The following GRK1 variants were observed in gnomAD, a reference collection of about 807,000 sequenced individuals.
The protein encoded by GRK1 is rhodopsin kinase GRK1.
A neutral mutation model predicts 41.7 loss-of-function variants in GRK1; 28 were observed. The observed-to-expected ratio is 0.67, with a 90% CI of 0.50 to 0.92. The LOEUF is 0.92. Ranked by LOEUF, GRK1 falls within the 40% of genes least tolerant of loss-of-function variation. The pLI, the probability that GRK1 is intolerant of heterozygous loss-of-function variation, is 0.00. For missense variants in GRK1, 703 were observed against 671.2 expected, an observed-to-expected ratio of 1.05 and a Z score of -0.52; for synonymous variants, 327 against 286.7, an observed-to-expected ratio of 1.14 and a Z score of -1.42.
At chr13:113,726,820 C>T (rs1018405462) in intron 4 of GRK1, among the ~76,000 whole-genome samples, 1 of 152,164 alleles carries the variant, frequency 6.6e-6, no homozygotes, top group Non-Finnish European at 1.5e-5. Flanking sequence ...TTCTGACGTC[C>T]GTGTAATCCT....
chr13:113,733,994 ATGT>A (rs2049980292), intron 6 of GRK1, among the ~76,000 whole-genome samples: 6 of 81,024 alleles, frequency 7.4e-5, no homozygotes, highest in African/African-American at 2.5e-4. Context: ...GTGTGCATAC[ATGT>A]GTGTGCGTGT....
chr13:113,657,579 C>T, the GRK1 span, among the ~76,000 whole-genome samples: 2 of 152,248 alleles, frequency 1.3e-5, no homozygotes, highest in Non-Finnish European at 1.5e-5. Flanking sequence ...TTACTCCCCA[C>T]CTCCGCATCT....
At chr13:113,657,185 G>T in the GRK1 span, among the ~76,000 whole-genome samples, 13 of 152,274 alleles carry the variant, frequency 8.5e-5, no homozygotes, top group Middle Eastern at 3.4e-3. Flanking sequence ...CTGGGGCTTT[G>T]CATTCCCACC....
At chr13:113,725,276 G>A (rs533982298) in intron 4 of GRK1, among the ~76,000 whole-genome samples, 1 of 151,640 alleles carries the variant, frequency 6.6e-6, no homozygotes, top group Non-Finnish European at 1.5e-5. Context: ...GCGTGCACAG[G>A]GCGGGGCCGG....
chr13:113,733,668 T>TGTGC (rs1555361151), intron 6 of GRK1, among the ~76,000 whole-genome samples: 10 of 90,188 alleles, frequency 1.1e-4, no homozygotes, highest in South Asian at 3.2e-4. Context: ...TGTGCGTGTG[T>TGTGC]GCACGTGTGT....
rs1257414115 is a variant in GRK1, at chr13:113,671,520, TGAG to T, written c.853_855del (p.Glu285del). On this transcript the variant is annotated inframe_deletion, in exon 3 of 7. Transcript: ENST00000335678. This position sits in a 1 kb window ranked among gnomAD's most constrained non-coding sequence, Gnocchi z 4.1. ...CCAGGTACCACATCTACAACGTGAA[TGAG>T]GAGAACCCTGGCTTCCCGGAGCCGC... 2 of 779,374 alleles carry T rather than the reference TGAG, an allele frequency of 2.6e-6. No homozygotes were observed. The highest frequency in any genetic ancestry group is 4.8e-6 in the Non-Finnish European group (2 of 417,946). 48.3% of individuals were successfully genotyped at this position (779,374 alleles called of 1,614,324 possible).
intron 2 of GRK1, among the ~76,000 whole-genome samples, chr13:113,670,875 A>G (rs1366246074): frequency 6.7e-6 from 1 of 150,184 alleles, no homozygotes; most frequent in Admixed American, 6.6e-5. Context: ...GAGGGGTGCT[A>G]GGAAGCGCGG....
rs377600888 is a variant in GRK1 at position 113,667,835 on chromosome 13, T to C, written c.449T>C (p.Leu150Pro). ...EIQDGLFQPL[L>P]QATLAHLGQA... ...CAGGACGGGCTCTTCCAGCCCCTGC[T>C]GCAGGCCACCCTGGCACACCTGGGC... Residue 150 changes from leucine (L) to proline (P), a missense_variant, in exon 1 of 7, where the codon CTG (leucine) becomes CCG (proline). By Grantham distance (98) the Leu-to-Pro change is moderately conservative. Coordinates refer to ENST00000335678, the MANE Select transcript of GRK1 (RefSeq NM_002929.3). This position sits in a 1 kb window ranked among gnomAD's most constrained non-coding sequence, Gnocchi z 7.5. The C allele has an allele frequency of 2.5e-6, 4 of 1,592,278 alleles. No homozygotes were observed. Among genetic ancestry groups the C allele is most frequent in the African/African-American group, 1.3e-5 (1 of 74,238 alleles).
chr13:113,733,662 C>CGTGTGTGTGT, intron 6 of GRK1, among the ~76,000 whole-genome samples: 1 of 126,166 alleles, frequency 7.9e-6, no homozygotes, highest in African/African-American at 3.2e-5. Flanking sequence ...CGTGTGTGTG[C>CGTGTGTGTGT]GTGTGTGCAC....
the GRK1 span, among the ~76,000 whole-genome samples, chr13:113,650,807 G>A: frequency 6.6e-6 from 1 of 152,144 alleles, no homozygotes; most frequent in Non-Finnish European, 1.5e-5. The surrounding 1 kb of genome is among the most constrained non-coding windows in gnomAD (Gnocchi z 5.0). Flanking sequence ...GTCTGTACTC[G>A]AGGGTAGCCA....
At chr13:113,662,153 G>A in the GRK1 span, among the ~76,000 whole-genome samples, 4 of 152,188 alleles carry the variant, frequency 2.6e-5, no homozygotes, top group Non-Finnish European at 5.9e-5. Context: ...GGAATGCAAG[G>A]CTGGTTCAGT....
chr13:113,663,667 C>G, upstream of GRK1, among the ~76,000 whole-genome samples: 1 of 152,158 alleles, frequency 6.6e-6, no homozygotes, highest in Non-Finnish European at 1.5e-5. Context: ...GACATTTCAC[C>G]CAAGAGCACG....
intron 4 of GRK1, among the ~76,000 whole-genome samples, chr13:113,727,491 G>A (rs1421928817): frequency 6.6e-6 from 1 of 152,178 alleles, no homozygotes; most frequent in East Asian, 1.9e-4. Flanking sequence ...TGTGGGGTGT[G>A]GGCTGTGGCC....
At chr13:113,649,277 A>G in the GRK1 span, 2 of 1,429,826 alleles carry the variant, frequency 1.4e-6, no homozygotes, top group Admixed American at 2.3e-5. This position sits in a 1 kb window ranked among gnomAD's most constrained non-coding sequence, Gnocchi z 4.7. Context: ...CACTTTGGGG[A>G]TGATTTGGCA....
chr13:113,649,227 T>C, the GRK1 span: 1 of 877,998 alleles, frequency 1.1e-6, no homozygotes, highest in Non-Finnish European at 1.7e-6. This position sits in a 1 kb window ranked among gnomAD's most constrained non-coding sequence, Gnocchi z 4.7. Context: ...TGTGGGCGCT[T>C]CTCTGGAGTT....
intron 2 of GRK1, among the ~76,000 whole-genome samples, chr13:113,670,686 G>C (rs1266559261): frequency 3.8e-5 from 2 of 52,818 alleles, no homozygotes; most frequent in Non-Finnish European, 1.1e-4. Flanking sequence ...GGAGGGGAGG[G>C]GGCGCTGGGA....
the GRK1 span, among the ~76,000 whole-genome samples, chr13:113,655,804 G>A: frequency 3.3e-5 from 5 of 152,214 alleles, no homozygotes; most frequent in Admixed American, 1.3e-4. Context: ...TTAGTGAGCC[G>A]TTCTCCAGTG....
Position 113,667,506 on chromosome 13 carries a change from G to A in GRK1, c.120G>A (p.Lys40=). The change falls in exon 1 of 7, where the codon AAG becomes AAA. Residue 40 remains lysine (K), a synonymous_variant. Transcript: ENST00000335678. This position sits in a 1 kb window ranked among gnomAD's most constrained non-coding sequence, Gnocchi z 7.5. ...SRDKKYLAKL[K]LPPLSKCESL... ...ACAAGAAGTACCTGGCCAAGCTCAA[G>A]CTGCCCCCGCTGTCCAAGTGTGAGT... is the stretch of plus-strand genomic sequence containing the variant. 3 of 1,612,872 alleles carry A rather than the reference G, an allele frequency of 1.9e-6. No individual in the cohort carries two copies. In the South Asian group the frequency reaches 3.3e-5, roughly 18 times the overall value.
chr13:113,723,213 C>T lies in GRK1; in HGVS notation c.1069+56C>T, dbSNP rs2049867525. On this transcript the variant is annotated intron_variant, in intron 4 of 6. Transcript: ENST00000335678. Reference sequence around the variant, plus strand: ...CGTGCATGGGTTACGTCCCTGTGTACATGTGTGTGCCTGTGTGCACTTGCA... The same window carrying T: ...CGTGCATGGGTTACGTCCCTGTGTATATGTGTGTGCCTGTGTGCACTTGCA... 5 of 668,386 alleles carry T rather than the reference C, an allele frequency of 7.5e-6. No homozygotes were observed. The South Asian group carries it at 7.6e-5, about 10-fold the overall frequency. 41.4% of individuals were successfully genotyped at this position (668,386 alleles called of 1,614,324 possible).
Sources: allele counts gnomAD v4.1 joint callset (sites outside exome capture counted in the v4.1 genomes callset), GRCh38; gene constraint gnomAD v4.1.1; non-coding constraint Gnocchi (gnomAD v3.1); transcripts MANE v1.5; gene names NCBI Gene and HGNC (gene_info 2026-07-23, HGNC 2026-07-21).